The following PHYHIPL variants were observed in gnomAD, a reference collection of about 807,000 sequenced individuals.
PHYHIPL encodes the protein phytanoyl-CoA hydroxylase-interacting protein-like.
PHYHIPL carries 9 observed loss-of-function variants against 33.4 expected under a neutral mutation model. The observed-to-expected ratio is 0.27, with a 90% CI of 0.16 to 0.47. PHYHIPL has a LOEUF of 0.47. Ranked by LOEUF, PHYHIPL falls within the 20% of genes least tolerant of loss-of-function variation. The pLI is 0.99. For synonymous variants in PHYHIPL, 153 were observed against 154.1 expected (o/e 0.99, Z 0.05); for missense variants, 365 against 460.7 (o/e 0.79, Z 1.90).
chr10:59,246,136 A>T lies in PHYHIPL; in HGVS notation c.*545A>T, dbSNP rs1033942223. ...TACTGTGTTTCAACATAATAAATAT[A>T]ATAGAAAAATATTTTATTTGTATTG... On this transcript the variant is annotated 3_prime_UTR_variant, in exon 5 of 5. Transcript: ENST00000373880. The T allele has an allele frequency of 6.5e-6, 1 of 152,722 alleles. No individual in the cohort carries two copies. Among genetic ancestry groups the T allele is most frequent in the Non-Finnish European group, 1.5e-5 (1 of 68,096 alleles). 9.5% of individuals were successfully genotyped at this position (152,722 alleles called of 1,614,324 possible).
intron 4 of PHYHIPL, among the ~76,000 whole-genome samples, chr10:59,244,309 G>A (rs546902243): frequency 1.3e-5 from 2 of 152,202 alleles, no homozygotes; most frequent in South Asian, 4.2e-4. Flanking sequence ...GCTCATGCCT[G>A]TAATCCCAGC....
intron 1 of PHYHIPL, among the ~76,000 whole-genome samples, chr10:59,181,741 A>C (rs1838417385): frequency 6.6e-6 from 1 of 152,220 alleles, no homozygotes; most frequent in African/African-American, 2.4e-5. Flanking sequence ...AGAAACAAAA[A>C]ATTTGGAAAC....
intron 1 of PHYHIPL, among the ~76,000 whole-genome samples, chr10:59,212,599 T>C (rs1839489499): frequency 6.6e-6 from 1 of 152,210 alleles, no homozygotes; most frequent in Admixed American, 6.5e-5. Flanking sequence ...ATTTTCTGCA[T>C]GTCACTTTCC....
chr10:59,177,727 G>A (rs929126031), intron 1 of PHYHIPL: 28 of 1,319,146 alleles, frequency 2.1e-5, no homozygotes, highest in Non-Finnish European at 3.0e-5. Flanking sequence ...GAAGACATAA[G>A]CTAGTGCTGT....
intron 1 of PHYHIPL, among the ~76,000 whole-genome samples, chr10:59,224,072 T>C (rs532033191): frequency 6.0e-4 from 92 of 152,314 alleles, no homozygotes; most frequent in African/African-American, 2.1e-3. Context: ...TCCAAGTCCA[T>C]GGACTTTTCC....
chr10:59,188,973 C>G (rs1201741792), intron 1 of PHYHIPL, among the ~76,000 whole-genome samples: 1 of 151,940 alleles, frequency 6.6e-6, no homozygotes, highest in Non-Finnish European at 1.5e-5. Flanking sequence ...TATGCACATG[C>G]GTTTCCAGGT....
At chr10:59,243,262 G>A (rs558990204) in intron 4 of PHYHIPL, among the ~76,000 whole-genome samples, 3 of 152,186 alleles carry the variant, frequency 2.0e-5, no homozygotes, top group African/African-American at 4.8e-5. Flanking sequence ...AATGCTGAAC[G>A]AGCACTGTCA....
In PHYHIPL at chr10:59,247,375, T is replaced by A. The variant is rs1386307092; in HGVS notation, c.*1784T>A. On this transcript the variant is annotated 3_prime_UTR_variant, in exon 5 of 5. Coordinates refer to ENST00000373880, the MANE Select transcript of PHYHIPL (RefSeq NM_032439.4). Reference sequence around the variant, plus strand: ...CTTGTATTGACTATGAGTTTTCTGCTTGGCATGGAGGACACTGAATTTTTT... The same window carrying A: ...CTTGTATTGACTATGAGTTTTCTGCATGGCATGGAGGACACTGAATTTTTT... 1 of 484,194 alleles carries A rather than the reference T, an allele frequency of 2.1e-6. No homozygotes were observed. The highest frequency in any genetic ancestry group is 4.0e-5 in the East Asian group (1 of 25,260). The allele number at this position is 484,194 out of a possible 1,614,324, so 30.0% of individuals were successfully genotyped here. A position where few individuals can be genotyped will look rare whatever the true frequency, so the allele number is the denominator to read the frequency against.
At chr10:59,243,863 AG>A (rs1232467745) in intron 4 of PHYHIPL, among the ~76,000 whole-genome samples, 1 of 152,046 alleles carries the variant, frequency 6.6e-6, no homozygotes, top group Non-Finnish European at 1.5e-5. Context: ...GGTAACAAAT[AG>A]GGGATGCTAA....
chr10:59,232,926 T>C (rs929813647), intron 1 of PHYHIPL, among the ~76,000 whole-genome samples: 2 of 151,914 alleles, frequency 1.3e-5, no homozygotes, highest in African/African-American at 4.8e-5. Context: ...AGGATTTCAC[T>C]TGATTTCTTC....
chr10:59,238,572 T>C lies in PHYHIPL; in HGVS notation c.479-16T>C. 6.9e-7 allele frequency: 1 copy of C among 1,455,520 alleles called. No homozygotes were observed. 90.2% of individuals were successfully genotyped at this position (1,455,520 alleles called of 1,614,324 possible). On this transcript the variant is annotated splice_polypyrimidine_tract_variant and intron_variant, in intron 3 of 4. Transcript: ENST00000373880. ...GTGCAATATTTTTAATAACAGACTT[T>C]TTGGGTTTTTTCCAGACTATTCAAA...
At chr10:59,181,450 A>G (rs978444364) in intron 1 of PHYHIPL, among the ~76,000 whole-genome samples, 2 of 152,170 alleles carry the variant, frequency 1.3e-5, no homozygotes, top group Admixed American at 1.3e-4. Flanking sequence ...CCTATCAGTA[A>G]TATCTTTATC....
intron 1 of PHYHIPL, among the ~76,000 whole-genome samples, chr10:59,218,061 A>T (rs2133252700): frequency 6.6e-6 from 1 of 152,132 alleles, no homozygotes; most frequent in East Asian, 1.9e-4. Flanking sequence ...GCTCGGAGTC[A>T]TCCAAGTCCC....
intron 4 of PHYHIPL, among the ~76,000 whole-genome samples, chr10:59,242,013 A>C (rs1033344101): frequency 3.9e-5 from 6 of 152,196 alleles, no homozygotes; most frequent in South Asian, 4.1e-4. Context: ...GTATAGGAAA[A>C]AAACAAACAA....
At chr10:59,208,488 GA>G (rs1378057077) in intron 1 of PHYHIPL, among the ~76,000 whole-genome samples, 1 of 152,106 alleles carries the variant, frequency 6.6e-6, no homozygotes, top group Non-Finnish European at 1.5e-5. Context: ...CAAAAAGGCT[GA>G]AAGTTCCAAA....
Position 59,247,433 on chromosome 10 carries a change from C to T in PHYHIPL, c.*1842C>T. 1.5e-6 allele frequency: 1 copy of T among 672,008 alleles called. No homozygotes were observed. The highest frequency in any genetic ancestry group is 2.5e-6 in the Non-Finnish European group (1 of 408,136). 41.6% of individuals were successfully genotyped at this position (672,008 alleles called of 1,614,324 possible). On this transcript the variant is annotated 3_prime_UTR_variant, in exon 5 of 5. Coordinates refer to ENST00000373880, the MANE Select transcript of PHYHIPL (RefSeq NM_032439.4). Reference sequence around the variant, plus strand: ...ATATGGCTACCTGTTGTATTCTTCCCCCCGTTTAAATCCCTTCTCCTTGTA... The same window carrying T: ...ATATGGCTACCTGTTGTATTCTTCCTCCCGTTTAAATCCCTTCTCCTTGTA...
chr10:59,238,625 G>A lies in PHYHIPL; in HGVS notation c.516G>A (p.Lys172=), dbSNP rs1331560816. ...TTCATCTAACACAATTGTTGGAGAA[G>A]GCTGAAGTGATTGCAGGACGCATGC... ...SKVHLTQLLE[K]AEVIAGRMLK... The change falls in exon 4 of 5, where the codon AAG becomes AAA. Residue 172 remains lysine, a synonymous_variant. Coordinates refer to ENST00000373880, the MANE Select transcript of PHYHIPL (RefSeq NM_032439.4). 1.2e-6 allele frequency: 2 copies of A among 1,610,676 alleles called. No individual in the cohort carries two copies. Among genetic ancestry groups the A allele is most frequent in the Non-Finnish European group, 1.7e-6 (2 of 1,177,524 alleles).
intron 4 of PHYHIPL, among the ~76,000 whole-genome samples, chr10:59,243,457 T>C (rs537335708): frequency 6.6e-6 from 1 of 152,286 alleles, no homozygotes; most frequent in African/African-American, 2.4e-5. Context: ...AAAAGCACAG[T>C]ACAAGTAAAA....
chr10:59,220,719 G>A (rs117102196), intron 1 of PHYHIPL, among the ~76,000 whole-genome samples: 2,292 of 152,038 alleles, frequency 0.015, 26 homozygotes, highest in Non-Finnish European at 0.024. Flanking sequence ...GAGCAACTAT[G>A]GTAAGGCAGG....
Sources: gnomAD v4.1 joint callset for allele counts (sites outside exome capture counted in the v4.1 genomes callset) on GRCh38, gnomAD v4.1.1 for gene constraint, MANE v1.5 for transcripts, NCBI Gene and HGNC (gene_info 2026-07-23, HGNC 2026-07-21) for gene names.